Variants in LRTM3 observed in about 807,000 individuals in gnomAD.
LRTM3 encodes the protein leucine rich repeat transmembrane protein 3, also known as leucine-rich repeat transmembrane protein 3.
the LRTM3 span, chr13:102,735,125 T>G: frequency 1.3e-6 from 2 of 1,551,342 alleles, no homozygotes; most frequent in Non-Finnish European, 1.7e-6. Context: ...TTTAACTTTC[T>G]GGACCTTTTC....
chr13:102,739,146 GA>G, the LRTM3 span: 1 of 1,550,032 alleles, frequency 6.5e-7, no homozygotes, highest in Non-Finnish European at 8.7e-7. Context: ...AGTTTATTCT[GA>G]ACTACATTTA....
chr13:102,746,530 T>C, the LRTM3 span: 1 of 1,551,098 alleles, frequency 6.4e-7, no homozygotes, highest in East Asian at 2.4e-5. Flanking sequence ...AGTCTAATTC[T>C]GATTTCTTTC....
chr13:102,730,335 C>G, the LRTM3 span: 2 of 1,551,228 alleles, frequency 1.3e-6, no homozygotes, highest in Non-Finnish European at 8.7e-7. Context: ...TCACTTACTT[C>G]AAGACATGAA....
chr13:102,744,354 A>G, the LRTM3 span: 18 of 1,550,388 alleles, frequency 1.2e-5, no homozygotes, highest in Non-Finnish European at 1.5e-5. Context: ...TTTTGATTCC[A>G]TGCAGTTTTC....
the LRTM3 span, chr13:102,739,996 G>A: frequency 9.0e-6 from 14 of 1,550,354 alleles, no homozygotes; most frequent in African/African-American, 8.2e-5. Context: ...GGCATATCAC[G>A]CCTTTCCTAA....
At chr13:102,738,640 C>G in the LRTM3 span, 1 of 1,550,344 alleles carries the variant, frequency 6.5e-7, no homozygotes, top group Non-Finnish European at 8.7e-7. Context: ...CAGAAATACA[C>G]TTTTCATATG....
chr13:102,742,716 G>T, the LRTM3 span: 1 of 1,550,662 alleles, frequency 6.4e-7, no homozygotes, highest in Non-Finnish European at 8.7e-7. Flanking sequence ...CTACCTTGGG[G>T]ACTTGACCTG....
chr13:102,751,238 G>C, the LRTM3 span, among the ~76,000 whole-genome samples: 15 of 151,150 alleles, frequency 9.9e-5, no homozygotes, highest in African/African-American at 3.7e-4. Flanking sequence ...AGGAAATTCT[G>C]TCAGCAGACA....
chr13:102,741,085 A>G, the LRTM3 span: 1 of 1,550,078 alleles, frequency 6.5e-7, no homozygotes, highest in East Asian at 2.4e-5. Flanking sequence ...GATTTTCAAT[A>G]TAAAGTTGAT....
chr13:102,739,955 G>C, the LRTM3 span: 1 of 1,550,388 alleles, frequency 6.4e-7, no homozygotes, highest in Non-Finnish European at 8.7e-7. Flanking sequence ...TGAAAATACT[G>C]ATTTCTTCCA....
chr13:102,740,060 G>C, the LRTM3 span: 1 of 1,550,102 alleles, frequency 6.5e-7, no homozygotes, highest in African/African-American at 1.4e-5. Context: ...AATAGGCATG[G>C]ATGCAGAAAG....
chr13:102,736,660 CT>C, the LRTM3 span: 2 of 1,550,724 alleles, frequency 1.3e-6, no homozygotes. Flanking sequence ...CTTCTTGTGC[CT>C]TTTCCCCTTG....
At chr13:102,732,394 C>T in the LRTM3 span, 1 of 1,551,336 alleles carries the variant, frequency 6.4e-7, no homozygotes, top group East Asian at 2.4e-5. Flanking sequence ...TTGGGTGATT[C>T]TGGATTTTCA....
chr13:102,734,107 A>G, the LRTM3 span: 1 of 1,551,316 alleles, frequency 6.4e-7, no homozygotes, highest in African/African-American at 1.4e-5. Flanking sequence ...GTTTGTTAAT[A>G]TTCAACACTA....
At chr13:102,755,514 C>T in the LRTM3 span, among the ~76,000 whole-genome samples, 2 of 152,048 alleles carry the variant, frequency 1.3e-5, no homozygotes, top group African/African-American at 4.8e-5. Context: ...ATGGATGAAG[C>T]TGGAAGCCAC....
At chr13:102,729,852 C>G in the LRTM3 span, 1 of 1,551,880 alleles carries the variant, frequency 6.4e-7, no homozygotes, top group Non-Finnish European at 8.7e-7. Flanking sequence ...CTAAATAAAT[C>G]AGATCTGGCC....
chr13:102,732,074 T>G, the LRTM3 span: 1 of 1,551,418 alleles, frequency 6.4e-7, no homozygotes, highest in Non-Finnish European at 8.7e-7. Context: ...TGCAAAGGGC[T>G]GGGGATCTTG....
the LRTM3 span, chr13:102,741,808 G>A: frequency 6.4e-7 from 1 of 1,550,422 alleles, no homozygotes; most frequent in Middle Eastern, 1.7e-4. Context: ...TTTGTGCAAT[G>A]AGGAATTCAA....
chr13:102,740,058 T>C, the LRTM3 span: 7 of 1,550,256 alleles, frequency 4.5e-6, no homozygotes, highest in Non-Finnish European at 6.1e-6. Flanking sequence ...AAAATAGGCA[T>C]GGATGCAGAA....
Sources: allele counts gnomAD v4.1 joint callset (sites outside exome capture counted in the v4.1 genomes callset), GRCh38; gene constraint gnomAD v4.1.1; transcripts MANE v1.5; gene names NCBI Gene and HGNC (gene_info 2026-07-23, HGNC 2026-07-21).